Variants in GTPBP10 observed in about 807,000 individuals in gnomAD.
GTPBP10 encodes the protein GTP-binding protein 10.
A neutral mutation model predicts 44.8 loss-of-function variants in GTPBP10; 38 were observed. That is an observed-to-expected ratio of 0.85 (90% CI 0.65 to 1.11). The LOEUF is 1.11. GTPBP10 is among the 50% of genes most tolerant of loss of function. The probability of loss-of-function intolerance (pLI) is 0.00; values close to 1 mark genes in which losing one functional copy is unlikely to be tolerated. For synonymous variants in GTPBP10, 152 were observed against 150.6 expected (o/e 1.01, Z -0.07); for missense variants, 462 against 453.7 (o/e 1.02, Z -0.17).
intron 4 of GTPBP10, among the ~76,000 whole-genome samples, chr7:90,367,249 A>G (rs901861247): frequency 2.0e-5 from 3 of 152,196 alleles, no homozygotes; most frequent in Non-Finnish European, 4.4e-5. Flanking sequence ...GCTGAGAAGA[A>G]TATATATTCT....
intron 1 of GTPBP10, 51 bp downstream of exon 1, chr7:90,346,825 T>C (rs762426646): frequency 1.0e-6 from 1 of 961,530 alleles, no homozygotes; most frequent in South Asian, 2.3e-5. Flanking sequence ...CAGCTCTGGT[T>C]CTTCTTTGCT....
intron 4 of GTPBP10, among the ~76,000 whole-genome samples, chr7:90,365,720 T>G (rs1305143424): frequency 1.3e-5 from 2 of 152,118 alleles, no homozygotes; most frequent in African/African-American, 2.4e-5. Context: ...AACAGGACAA[T>G]TTGACTTTCT....
chr7:90,352,746 AAG>A, intron 1 of GTPBP10, 68 bp from the exon 2 acceptor site: 1 of 1,193,606 alleles, frequency 8.4e-7, no homozygotes, highest in Non-Finnish European at 1.1e-6. Flanking sequence ...TAGTGGAAGA[AAG>A]AACTAGAAAA....
chr7:90,360,473 G>A (rs1413877111), intron 4 of GTPBP10, among the ~76,000 whole-genome samples: 2 of 152,044 alleles, frequency 1.3e-5, no homozygotes, highest in Non-Finnish European at 2.9e-5. Flanking sequence ...TATTTCTGAG[G>A]GCTCTGGTCT....
intron 4 of GTPBP10, among the ~76,000 whole-genome samples, chr7:90,367,031 C>T (rs990310288): frequency 1.8e-4 from 28 of 152,142 alleles, no homozygotes; most frequent in Admixed American, 1.1e-3. Context: ...TTTCTGCCTT[C>T]ATTTCGTTAT....
chr7:90,364,951 T>TTG (rs1796102185), intron 4 of GTPBP10, among the ~76,000 whole-genome samples: 1 of 152,214 alleles, frequency 6.6e-6, no homozygotes, highest in East Asian at 1.9e-4. Flanking sequence ...TAATCTCATG[T>TTG]TGTGCCATTT....
rs1475752278 is a variant in GTPBP10 at position 90,385,622 on chromosome 7, AATTAT to A, written c.*472_*476del. 2 of 152,022 alleles carry A rather than the reference AATTAT, an allele frequency of 1.3e-5. No homozygotes were observed. Among genetic ancestry groups the A allele is most frequent in the African/African-American group, 4.8e-5 (2 of 41,248 alleles). The allele number at this position is 152,022 out of a possible 1,614,324, so 9.4% of individuals were successfully genotyped here. ...CCAGTTTTTCTACGTCATTTTTTAA[AATTAT>A]ATTTAATTTTTTTATTTTGAAAGTT... On this transcript the variant is annotated 3_prime_UTR_variant, in exon 10 of 10. Transcript: ENST00000222511.
In GTPBP10 at chr7:90,385,563, A is replaced by G. The variant is rs894384546; in HGVS notation, c.*409A>G. On this transcript the variant is annotated 3_prime_UTR_variant, in exon 10 of 10. Coordinates refer to ENST00000222511, the MANE Select transcript of GTPBP10 (RefSeq NM_033107.4). ...GCTATATTGAGCCATTCCACAATGT[A>G]TAGATATTTCAAAACATGTTACACA... 6.5e-6 allele frequency: 1 copy of G among 153,138 alleles called. No individual in the cohort carries two copies. The highest frequency in any genetic ancestry group is 1.5e-5 in the Non-Finnish European group (1 of 68,700). 9.5% of individuals were successfully genotyped at this position (153,138 alleles called of 1,614,324 possible). A position where few individuals can be genotyped will look rare whatever the true frequency, so the allele number is the denominator to read the frequency against.
chr7:90,363,363 A>G (rs1159200269), intron 4 of GTPBP10, among the ~76,000 whole-genome samples: 2 of 152,114 alleles, frequency 1.3e-5, no homozygotes, highest in African/African-American at 2.4e-5. Context: ...TTGCTTGTCT[A>G]TAAAGGATTT....
rs753704907 is a variant in GTPBP10, at chr7:90,354,488, A to G, written c.258A>G (p.Lys86=). 6.3e-7 allele frequency: 1 copy of G among 1,590,724 alleles called. No individual in the cohort carries two copies. The highest frequency in any genetic ancestry group is 2.3e-5 in the East Asian group (1 of 43,886). ...GTGCACTGAAAGGCTCCAAAGGAAA[A>G]GACTGTGAAATCCCTGTGCCTGTGG... The part of the protein sequence containing the change: ...KISALKGSKG[K]DCEIPVPVGI... The change falls in exon 3 of 10, where the codon AAA becomes AAG. Residue 86 remains lysine, a synonymous_variant. Coordinates refer to ENST00000222511, the MANE Select transcript of GTPBP10 (RefSeq NM_033107.4).
intron 9 of GTPBP10, among the ~76,000 whole-genome samples, chr7:90,384,483 T>C (rs1796488012): frequency 1.3e-5 from 2 of 152,134 alleles, no homozygotes; most frequent in Admixed American, 6.6e-5. Flanking sequence ...TTTGGGGAAG[T>C]TAAAGGTCTC....
chr7:90,365,258 G>A (rs1350424612), intron 4 of GTPBP10, among the ~76,000 whole-genome samples: 1 of 151,930 alleles, frequency 6.6e-6, no homozygotes. Flanking sequence ...TTTCTATTTG[G>A]CCATCTTGGA....
At chr7:90,377,883 T>G (rs1454996234) in intron 7 of GTPBP10, 3 of 347,184 alleles carry the variant, frequency 8.6e-6, no homozygotes, top group Non-Finnish European at 1.2e-5. Context: ...GATGCTAGAG[T>G]TATATATGAG....
At chr7:90,350,087 A>G (rs1319306213) in intron 1 of GTPBP10, among the ~76,000 whole-genome samples, 1 of 152,024 alleles carries the variant, frequency 6.6e-6, no homozygotes, top group Non-Finnish European at 1.5e-5. Context: ...CAACCCCATG[A>G]CAGGTCCCAG....
intron 1 of GTPBP10, 55 bp from the exon 2 acceptor site, chr7:90,352,761 G>A: frequency 7.3e-7 from 1 of 1,371,334 alleles, no homozygotes; most frequent in Admixed American, 2.4e-5. Context: ...CTAGAAAAAG[G>A]TTCTAAGGTG....
intron 4 of GTPBP10, among the ~76,000 whole-genome samples, chr7:90,360,316 G>T (rs913856914): frequency 6.6e-6 from 1 of 151,834 alleles, no homozygotes; most frequent in Non-Finnish European, 1.5e-5. Context: ...TAATTTTTAT[G>T]TAAGGTGTAA....
intron 9 of GTPBP10, 123 bp from the exon 10 acceptor site, chr7:90,384,769 G>A (rs1796493040): frequency 2.4e-6 from 2 of 829,326 alleles, no homozygotes; most frequent in South Asian, 1.9e-5. Context: ...TATTAGAAAA[G>A]GTGAAAAAAG....
chr7:90,369,238 G>C (rs1427620170), intron 4 of GTPBP10, among the ~76,000 whole-genome samples: 1 of 152,202 alleles, frequency 6.6e-6, no homozygotes, highest in Non-Finnish European at 1.5e-5. Flanking sequence ...CTCCCAGTTA[G>C]GCTACTCGGG....
chr7:90,374,281 T>G (rs1271540525), intron 5 of GTPBP10, 21 bp from the exon 6 acceptor site: 1 of 1,549,730 alleles, frequency 6.5e-7, no homozygotes, highest in Non-Finnish European at 8.9e-7. Context: ...AGCCTTAATT[T>G]ATTGCTGTGT....
Sources: gnomAD v4.1 joint callset for allele counts (sites outside exome capture counted in the v4.1 genomes callset) on GRCh38, gnomAD v4.1.1 for gene constraint, MANE v1.5 for transcripts, NCBI Gene and HGNC (gene_info 2026-07-23, HGNC 2026-07-21) for gene names.